ZNF711: variants seen among roughly 807,000 people sequenced by gnomAD.
ZNF711 encodes the protein zinc finger protein 711.
Under a neutral mutation model 43.5 loss-of-function variants are expected in ZNF711, and 3 were observed. That is an observed-to-expected ratio of 0.07 (90% CI 0.03 to 0.18). The LOEUF is 0.18. Among genes scored for constraint, ZNF711 ranks in the 10% least tolerant of loss-of-function variants. ZNF711 has a pLI of 1.00. For missense variants in ZNF711, 412 were observed against 604.0 expected, an observed-to-expected ratio of 0.68 and a Z score of 3.33; for synonymous variants, 209 against 207.7, an observed-to-expected ratio of 1.01 and a Z score of -0.06.
intron 4 of ZNF711, among the ~76,000 whole-genome samples, chrX:85,248,161 C>CT (rs35501637): frequency 4.3e-4 from 42 of 97,514 alleles, no homozygotes; most frequent in Middle Eastern, 5.1e-3. Context: ...TTTTCTTTCT[C>CT]TTTTTTTTTT....
In ZNF711 at chrX:85,255,624, G is replaced by T. The variant is rs1417610931; in HGVS notation, c.445G>T (p.Val149Phe). ...CTTAGAACATGTGGTCCAAGATTGT[G>T]TTTCAGGAGTCGACTCTCCCACAAT... ...GHLEHVVQDC[V>F]SGVDSPTMVS... Residue 149 changes from valine to phenylalanine, a missense_variant, in exon 5 of 11, where the codon GTT becomes TTT. Physicochemically the swap from Val to Phe is conservative, Grantham distance 50 (BLOSUM62 -1). This residue lies in a region of ZNF711 where 375 missense variants were observed against 514.2 expected (regional missense o/e 0.73). Coordinates refer to ENST00000674551, the MANE Select transcript of ZNF711 (RefSeq NM_001330574.2). 8.3e-7 allele frequency: 1 copy of T among 1,211,500 alleles called. No homozygotes were observed.
At chrX:85,263,365 G>A (rs901786747) in intron 5 of ZNF711, among the ~76,000 whole-genome samples, 3 of 110,579 alleles carry the variant, frequency 2.7e-5, no homozygotes, top group Non-Finnish European at 5.7e-5. Context: ...TTTTAATAAG[G>A]AAAAAGAGGG....
Position 85,265,197 on chromosome X carries a change from G to C in ZNF711, c.858G>C (p.Gln286His), listed in dbSNP as rs1930996342. 8.3e-7 allele frequency: 1 copy of C among 1,209,085 alleles called. No homozygotes were observed. Among genetic ancestry groups the C allele is most frequent in the Non-Finnish European group, 1.1e-6 (1 of 893,889 alleles). ...VAGVLDQSRM[Q>H]REKMVYMAVK... The stretch of plus-strand genomic sequence containing the variant: ...GAGTGCTTGACCAGAGCCGAATGCA[G>C]CGGGAGAAGATGGTTTACATGGCAG... The change falls in exon 7 of 11, where the codon CAG (glutamine) becomes CAC (histidine). Residue 286 changes from glutamine (Q) to histidine (H), a missense_variant. By Grantham distance (24) the Gln-to-His change is conservative. This residue lies in a region of ZNF711 where 375 missense variants were observed against 514.2 expected (regional missense o/e 0.73). Transcript: ENST00000674551.
chrX:85,245,635 T>A (rs57141117), intron 1 of ZNF711, among the ~76,000 whole-genome samples: 2 of 111,494 alleles, frequency 1.8e-5, no homozygotes, highest in Non-Finnish European at 3.8e-5. Flanking sequence ...AAATAAGGTG[T>A]TGTTTGTGAT....
chrX:85,259,457 A>G (rs1299349097), intron 5 of ZNF711, among the ~76,000 whole-genome samples: 6 of 111,574 alleles, frequency 5.4e-5, no homozygotes, highest in Non-Finnish European at 1.1e-4. Flanking sequence ...TTTGATAGGA[A>G]TAGCATTGAA....
At chrX:85,261,938 T>G (rs1320867065) in intron 5 of ZNF711, among the ~76,000 whole-genome samples, 1 of 111,081 alleles carries the variant, frequency 9.0e-6, no homozygotes, top group African/African-American at 3.3e-5. Context: ...GATTGCCTAT[T>G]AAGTCTTTGT....
chrX:85,255,843 T>C, intron 5 of ZNF711, 42 bp downstream of exon 5: 1 of 1,174,830 alleles, frequency 8.5e-7, no homozygotes, highest in Non-Finnish European at 1.1e-6. Flanking sequence ...GGAGATTGAT[T>C]TATATAATCT....
chrX:85,269,193 G>T (rs1315511680), intron 9 of ZNF711, among the ~76,000 whole-genome samples: 12 of 110,714 alleles, frequency 1.1e-4, no homozygotes, highest in Non-Finnish European at 2.3e-4. Context: ...CAAGAGATCT[G>T]TTTCGTTTTT....
chrX:85,261,480 T>C (rs1279889273), intron 5 of ZNF711, among the ~76,000 whole-genome samples: 2 of 111,281 alleles, frequency 1.8e-5, no homozygotes, highest in African/African-American at 6.5e-5. Flanking sequence ...ACAGATTCTT[T>C]GTATATTGCC....
intron 5 of ZNF711, among the ~76,000 whole-genome samples, chrX:85,259,950 T>A (rs1396814147): frequency 9.0e-6 from 1 of 111,455 alleles, no homozygotes; most frequent in Non-Finnish European, 1.9e-5. Context: ...AGAGTAGGCA[T>A]CCTTGTCTTA....
At position 85,247,199 on chromosome X, in the gene ZNF711, CCTAA is replaced by C. The variant is rs1929108852; in HGVS notation, c.-27+15_-27+18del. 3.3e-6 allele frequency: 1 copy of C among 306,214 alleles called. No individual in the cohort carries two copies. Among genetic ancestry groups the C allele is most frequent in the Non-Finnish European group, 5.6e-6 (1 of 177,369 alleles). The allele number at this position is 306,214 out of a possible 1,213,427, so 25.2% of individuals were successfully genotyped here. A position where few individuals can be genotyped will look rare whatever the true frequency, so the allele number is the denominator to read the frequency against. ...GAGTCCTCTAGTAATGTATAAATATCCTAACTATTGTTTGTTGTCATCTCGTTCT... is the reference window on the plus strand; with the variant it reads ...GAGTCCTCTAGTAATGTATAAATATCCTATTGTTTGTTGTCATCTCGTTCT... On this transcript the variant is annotated intron_variant, in intron 3 of 10. Transcript: ENST00000674551.
rs745920796 is a variant in ZNF711 at position 85,255,455 on chromosome X, G to T, written c.276G>T (p.Ala92=). Residue 92 remains alanine (A), a synonymous_variant, in exon 5 of 11, where the codon GCG becomes GCT. Coordinates refer to ENST00000674551, the MANE Select transcript of ZNF711 (RefSeq NM_001330574.2). ...VVTEGVIVPE[A]VLEADVAIEE... ...CAGAAGGTGTGATTGTTCCTGAAGC[G>T]GTACTTGAAGCTGATGTTGCCATTG... 5.0e-5 allele frequency: 61 copies of T among 1,209,668 alleles called. No homozygotes were observed. Among genetic ancestry groups the T allele is most frequent in the Non-Finnish European group, 6.7e-5 (60 of 895,136 alleles).
intron 4 of ZNF711, among the ~76,000 whole-genome samples, chrX:85,254,613 CAAAAAAAAAAAAAAAAAAAAAA>C (rs764074077): frequency 1.9e-3 from 8 of 4,295 alleles, no homozygotes; most frequent in South Asian, 0.026. Flanking sequence ...GACTCCGTCT[CAAAAAAAAAAAAAAAAAAAAAA>C]AAAAAAAAAA....
At chrX:85,268,266 GTCT>G in intron 8 of ZNF711, 25 bp from the exon 9 acceptor site, 2 of 890,608 alleles carry the variant, frequency 2.2e-6, no homozygotes, top group Admixed American at 2.7e-5. Flanking sequence ...TTTGTAATTG[GTCT>G]TTTTTTTTTT....
At position 85,271,164 on chromosome X, in the gene ZNF711, G is replaced by C. The variant is rs1392152961; in HGVS notation, c.1760G>C (p.Arg587Thr). 2 of 1,210,208 alleles carry C rather than the reference G, an allele frequency of 1.7e-6. No individual in the cohort carries two copies. ...KPYQCQYCIFRCADQSNLKTH... is the reference protein window; with the variant it reads ...KPYQCQYCIFTCADQSNLKTH... Reference sequence around the variant, plus strand: ...TATCAGTGTCAGTATTGTATTTTCAGGTGTGCAGATCAATCAAATCTGAAA... The same window carrying C: ...TATCAGTGTCAGTATTGTATTTTCACGTGTGCAGATCAATCAAATCTGAAA... Residue 587 changes from arginine (R) to threonine (T), a missense_variant, in exon 11 of 11, where the codon AGG becomes ACG. Around this residue, in one of 4 missense-constraint regions of ZNF711, gnomAD observed 375 missense variants for 514.2 expected, o/e 0.73. Transcript: ENST00000674551.
In ZNF711 at chrX:85,270,992, G is replaced by C; in HGVS notation, c.1588G>C (p.Glu530Gln). 8.3e-7 allele frequency: 1 copy of C among 1,211,031 alleles called. No individual in the cohort carries two copies. Among genetic ancestry groups the C allele is most frequent in the Non-Finnish European group, 1.1e-6 (1 of 895,191 alleles). Residue 530 changes from glutamate to glutamine, a missense_variant, in exon 11 of 11, where the codon GAA becomes CAA. This residue lies in a region of ZNF711 where 375 missense variants were observed against 514.2 expected (regional missense o/e 0.73). Transcript: ENST00000674551. ...KMHKCKYCDY[E>Q]TAEQGLLNRH... Reference sequence around the variant, plus strand: ...GCACAAGTGCAAATACTGTGACTATGAAACTGCAGAACAAGGACTGTTAAA... The same window carrying C: ...GCACAAGTGCAAATACTGTGACTATCAAACTGCAGAACAAGGACTGTTAAA...
At chrX:85,256,279 C>T (rs183580441) in intron 5 of ZNF711, among the ~76,000 whole-genome samples, 39 of 111,438 alleles carry the variant, frequency 3.5e-4, no homozygotes, top group African/African-American at 1.2e-3. Flanking sequence ...CTACAGTTCT[C>T]CCTGTGTTTA....
At position 85,268,338 on chromosome X, in the gene ZNF711, T is replaced by G. The variant is rs1931284869; in HGVS notation, c.1099T>G (p.Ser367Ala). 1 of 1,142,885 alleles carries G rather than the reference T, an allele frequency of 8.7e-7. No individual in the cohort carries two copies. The highest frequency in any genetic ancestry group is 3.3e-5 in the East Asian group (1 of 30,123). The allele number at this position is 1,142,885 out of a possible 1,213,427, so 94.2% of individuals were successfully genotyped here. A position where few individuals can be genotyped will look rare whatever the true frequency, so the allele number is the denominator to read the frequency against. ...VSRRYEDCQA[S>A]GNTLDSALES... is the part of the protein sequence containing the mutation. Reference sequence around the variant, plus strand: ...CCGAAGGTATGAAGATTGTCAAGCATCAGGTAAGAGAGCATTGTATATGAG... The same window carrying G: ...CCGAAGGTATGAAGATTGTCAAGCAGCAGGTAAGAGAGCATTGTATATGAG... Residue 367 changes from serine to alanine, a missense_variant, in exon 9 of 11, where the codon TCA becomes GCA. Coordinates refer to ENST00000674551, the MANE Select transcript of ZNF711 (RefSeq NM_001330574.2).
rs1280476802 is a variant in ZNF711, at chrX:85,265,146, G to T, written c.807G>T (p.Glu269Asp). 1 of 1,208,313 alleles carries T rather than the reference G, an allele frequency of 8.3e-7. No individual in the cohort carries two copies. The highest frequency in any genetic ancestry group is 3.0e-5 in the East Asian group (1 of 33,738). ...IGGTEIVTES[E>D]YTSGHSVAGV... ...GAACAGAAATTGTCACAGAGAGTGA[G>T]TACACCAGTGGACATTCAGTAGCTG... The change falls in exon 7 of 11, where the codon GAG becomes GAT. Residue 269 changes from glutamate to aspartate, a missense_variant. This residue lies in a region of ZNF711 where 375 missense variants were observed against 514.2 expected (regional missense o/e 0.73). Coordinates refer to ENST00000674551, the MANE Select transcript of ZNF711 (RefSeq NM_001330574.2).
Sources: gnomAD v4.1 joint callset for allele counts (sites outside exome capture counted in the v4.1 genomes callset) on GRCh38, gnomAD v4.1.1 for gene constraint, gnomAD v4.1.1 regional missense constraint, MANE v1.5 for transcripts, NCBI Gene and HGNC (gene_info 2026-07-23, HGNC 2026-07-21) for gene names.